The following PCDHA3 variants were observed in gnomAD, a reference collection of about 807,000 sequenced individuals.
PCDHA3 encodes protocadherin alpha-3.
PCDHA3 carries 41 observed loss-of-function variants against 62.2 expected under a neutral mutation model. The ratio of observed to expected loss-of-function variants is 0.66; its 90% CI spans 0.51 to 0.86. PCDHA3 has a LOEUF of 0.86. PCDHA3 is among the 40% of genes least tolerant of loss of function. The pLI, the probability that PCDHA3 is intolerant of heterozygous loss-of-function variation, is 0.00. For missense variants in PCDHA3, 1,304 were observed against 1,241.2 expected (o/e 1.05, Z -0.76); for synonymous variants, 640 against 555.4 (o/e 1.15, Z -2.14).
intron 1 of PCDHA3, among the ~76,000 whole-genome samples, chr5:140,910,919 T>G (rs2075230231): frequency 6.6e-6 from 1 of 152,154 alleles, no homozygotes; most frequent in Admixed American, 6.5e-5. Flanking sequence ...TTTTTGCTTA[T>G]ATAAATAAGA....
chr5:141,006,618 A>G (rs74748321), intron 3 of PCDHA3, among the ~76,000 whole-genome samples: 53 of 152,290 alleles, frequency 3.5e-4, no homozygotes, highest in African/African-American at 1.3e-3. Flanking sequence ...GAATAAGGAG[A>G]CTATTGCTGC....
rs782801879 is a variant in PCDHA3 at position 140,858,260 on chromosome 5, G to T, written c.2394+54669G>T. The T allele has an allele frequency of 2.0e-5, 32 of 1,597,092 alleles. 2 individuals carry two copies. The highest frequency in any genetic ancestry group is 2.7e-5 in the Non-Finnish European group (32 of 1,166,970). On this transcript the variant is annotated intron_variant, in intron 1 of 3. Coordinates refer to ENST00000522353, the MANE Select transcript of PCDHA3 (RefSeq NM_018906.3). ...ATGTGGGCCGGTGAAGCCCACGCTG[G>T]TGTGCTCTAGCGCGGTGGGGAGCTG...
intron 3 of PCDHA3, among the ~76,000 whole-genome samples, chr5:140,994,613 G>A (rs1452021453): frequency 2.0e-5 from 3 of 152,082 alleles, no homozygotes; most frequent in Admixed American, 6.5e-5. Flanking sequence ...GCTGAGGCAC[G>A]AGAGTCACTT....
intron 1 of PCDHA3, chr5:140,807,991 T>C (rs782125589): frequency 6.2e-7 from 1 of 1,613,604 alleles, no homozygotes; most frequent in Admixed American, 1.7e-5. Flanking sequence ...ACGCCTCAGA[T>C]TTAGACGAAG....
chr5:140,823,013 A>C, intron 1 of PCDHA3: 1 of 1,614,200 alleles, frequency 6.2e-7, no homozygotes, highest in South Asian at 1.1e-5. Context: ...AGCGCCCTGG[A>C]CCGCGAGAGC....
chr5:140,929,289 G>C (rs574226775), intron 1 of PCDHA3: 2 of 1,597,364 alleles, frequency 1.3e-6, no homozygotes, highest in African/African-American at 2.7e-5. Flanking sequence ...TTCAGATTCG[G>C]AATAGGAAAG....
At chr5:140,895,897 C>T (rs994708254) in intron 1 of PCDHA3, among the ~76,000 whole-genome samples, 25 of 152,240 alleles carry the variant, frequency 1.6e-4, no homozygotes, top group African/African-American at 5.3e-4. Flanking sequence ...CTGCAACCTC[C>T]GCGTCCCGGG....
At chr5:140,960,551 G>T (rs2095555454) in intron 1 of PCDHA3, among the ~76,000 whole-genome samples, 1 of 152,102 alleles carries the variant, frequency 6.6e-6, no homozygotes, top group Admixed American at 6.5e-5. Flanking sequence ...CCTTCATATA[G>T]ACTGAGCTTA....
intron 3 of PCDHA3, among the ~76,000 whole-genome samples, chr5:141,001,247 A>G (rs547699044): frequency 1.3e-5 from 2 of 152,256 alleles, no homozygotes; most frequent in African/African-American, 2.4e-5. Flanking sequence ...AATCAACCCT[A>G]TGGGGCGGGC....
intron 3 of PCDHA3, among the ~76,000 whole-genome samples, chr5:140,998,180 A>C (rs2097799784): frequency 6.6e-6 from 1 of 152,122 alleles, no homozygotes; most frequent in East Asian, 1.9e-4. Context: ...TATTCTAAGC[A>C]CTTTACAAGT....
chr5:140,869,245 A>T (rs782617385), intron 1 of PCDHA3: 14 of 1,613,510 alleles, frequency 8.7e-6, no homozygotes, highest in Non-Finnish European at 1.2e-5. Flanking sequence ...CGTGGGCCGC[A>T]TCGCGCAGGA....
chr5:140,999,922 C>T (rs2097883458), intron 3 of PCDHA3, among the ~76,000 whole-genome samples: 1 of 152,154 alleles, frequency 6.6e-6, no homozygotes, highest in Non-Finnish European at 1.5e-5. Context: ...AATCTTCTTC[C>T]AGCTCAACTC....
At chr5:140,884,498 G>C in intron 1 of PCDHA3, 5 of 1,614,076 alleles carry the variant, frequency 3.1e-6, no homozygotes, top group Non-Finnish European at 4.2e-6. Context: ...GTGCTCCAGC[G>C]CGGCAGGGAG....
chr5:140,869,296 C>A, intron 1 of PCDHA3: 1 of 1,613,602 alleles, frequency 6.2e-7, no homozygotes, highest in Non-Finnish European at 8.5e-7. Flanking sequence ...GCGCCTGTTC[C>A]GGGTGGCGTC....
chr5:140,818,631 G>A (rs1317233470), intron 1 of PCDHA3, among the ~76,000 whole-genome samples: 6 of 152,132 alleles, frequency 3.9e-5, no homozygotes, highest in Admixed American at 3.9e-4. Flanking sequence ...GAGCCCAGGA[G>A]TTCAAGATGA....
chr5:140,875,452 C>G (rs370742022), intron 1 of PCDHA3: 1 of 1,592,452 alleles, frequency 6.3e-7, no homozygotes, highest in Non-Finnish European at 8.6e-7. Flanking sequence ...TGTCCCAACT[C>G]AGAGGCCCTC....
intron 1 of PCDHA3, among the ~76,000 whole-genome samples, chr5:140,978,524 C>G (rs1554239389): frequency 2.0e-5 from 3 of 152,208 alleles, no homozygotes; most frequent in Admixed American, 6.5e-5. Context: ...TCCAGCCAGG[C>G]CAGCAGAACT....
chr5:140,982,604 A>G, intron 3 of PCDHA3, 41 bp downstream of exon 3: 1 of 1,607,164 alleles, frequency 6.2e-7, no homozygotes, highest in Non-Finnish European at 8.5e-7. Context: ...TGGTTTCTGG[A>G]AAGTGATCAG....
intron 1 of PCDHA3, chr5:140,882,971 G>A (rs1562782227): frequency 3.1e-6 from 5 of 1,614,206 alleles, no homozygotes; most frequent in Admixed American, 1.7e-5. Flanking sequence ...GATTCTGGAC[G>A]TGAATGACAA....
Sources: gnomAD v4.1 joint callset for allele counts (sites outside exome capture counted in the v4.1 genomes callset) on GRCh38, gnomAD v4.1.1 for gene constraint, MANE v1.5 for transcripts, NCBI Gene and HGNC (gene_info 2026-07-23, HGNC 2026-07-21) for gene names.